GSE1: variants seen among roughly 807,000 people sequenced by gnomAD.
GSE1 encodes genetic suppressor element 1.
GSE1 carries 32 observed loss-of-function variants against 112.6 expected under a neutral mutation model. The ratio of observed to expected loss-of-function variants is 0.28; its 90% CI spans 0.21 to 0.38. The LOEUF is 0.38. GSE1 is among the 10% of genes least tolerant of loss of function. The pLI, the probability that GSE1 is intolerant of heterozygous loss-of-function variation, is 1.00. For synonymous variants in GSE1, 1,115 were observed against 735.6 expected, an observed-to-expected ratio of 1.52 and a Z score of -8.35; for missense variants, 2,348 against 1,699.2, an observed-to-expected ratio of 1.38 and a Z score of -6.71.
At chr16:85,505,023 G>A (rs1385062619) in intron 2 of GSE1, among the ~76,000 whole-genome samples, 2 of 151,928 alleles carry the variant, frequency 1.3e-5, no homozygotes, top group Non-Finnish European at 2.9e-5. Context: ...ACATGTGCAC[G>A]CACACACAGC....
intron 1 of GSE1, among the ~76,000 whole-genome samples, chr16:85,617,088 A>G (rs2048417820): frequency 6.6e-6 from 1 of 152,174 alleles, no homozygotes; most frequent in South Asian, 2.1e-4. Context: ...TCCCTGTCCT[A>G]GCATGGGCCA....
At chr16:85,661,041 G>T in intron 8 of GSE1, 105 bp from the exon 9 acceptor site, 3 of 1,079,290 alleles carry the variant, frequency 2.8e-6, no homozygotes, top group Non-Finnish European at 4.0e-6. Flanking sequence ...CTCTCTAAGG[G>T]GCTGCGCCAT....
At chr16:85,301,924 G>T (rs1597336979) in intron 1 of GSE1, among the ~76,000 whole-genome samples, 1 of 152,230 alleles carries the variant, frequency 6.6e-6, no homozygotes, top group Non-Finnish European at 1.5e-5. Flanking sequence ...GGAAATCAGG[G>T]TGCAGACCAG....
chr16:85,374,231 G>A (rs959253976), intron 2 of GSE1, among the ~76,000 whole-genome samples: 1 of 151,464 alleles, frequency 6.6e-6, no homozygotes, highest in Non-Finnish European at 1.5e-5. Context: ...GTGTGTCATT[G>A]TGCCTGTGCA....
intron 1 of GSE1, among the ~76,000 whole-genome samples, chr16:85,196,602 ATTGT>A (rs2074932583): frequency 1.3e-5 from 2 of 151,802 alleles, no homozygotes; most frequent in African/African-American, 4.8e-5. Flanking sequence ...TTTGGTAAGC[ATTGT>A]TTCTCGATGG....
intron 1 of GSE1, among the ~76,000 whole-genome samples, chr16:85,620,777 T>C (rs1002515664): frequency 6.6e-6 from 1 of 152,130 alleles, no homozygotes; most frequent in African/African-American, 2.4e-5. Flanking sequence ...CTCTGCTCTG[T>C]TGAGGAACCC....
At chr16:85,426,717 G>GATGA (rs2049002212) in intron 2 of GSE1, among the ~76,000 whole-genome samples, 1 of 152,038 alleles carries the variant, frequency 6.6e-6, no homozygotes, top group East Asian at 1.9e-4. Context: ...TGGATGGATG[G>GATGA]ATGGATGGAT....
chr16:85,627,373 G>T (rs567922410), intron 1 of GSE1, among the ~76,000 whole-genome samples: 52 of 152,102 alleles, frequency 3.4e-4, no homozygotes, highest in African/African-American at 1.1e-3. Flanking sequence ...TTTCTGAAAG[G>T]GTCCAGGGAG....
chr16:85,615,037 G>C (rs1001863387), intron 1 of GSE1, among the ~76,000 whole-genome samples: 1 of 152,236 alleles, frequency 6.6e-6, no homozygotes, highest in African/African-American at 2.4e-5. Context: ...CCGTGCTCCC[G>C]CCTCCCGGCA....
At chr16:85,655,078 C>T (rs1408231487) in intron 5 of GSE1, 87 bp downstream of exon 5, 24 of 876,900 alleles carry the variant, frequency 2.7e-5, no homozygotes, top group South Asian at 4.3e-5. Flanking sequence ...TTTCTTATGA[C>T]CTGAGAGCCA....
At chr16:85,504,296 G>A (rs2051465379) in intron 2 of GSE1, among the ~76,000 whole-genome samples, 1 of 152,246 alleles carries the variant, frequency 6.6e-6, no homozygotes, top group African/African-American at 2.4e-5. Context: ...TTGTGAGCAG[G>A]TGGGTTTGGA....
chr16:85,464,619 G>A (rs528479848), intron 2 of GSE1, among the ~76,000 whole-genome samples: 1 of 152,296 alleles, frequency 6.6e-6, no homozygotes, highest in East Asian at 1.9e-4. Flanking sequence ...GGGTACTCAC[G>A]AAGCCTCGGG....
At chr16:85,338,998 G>C (rs984391230) in intron 1 of GSE1, among the ~76,000 whole-genome samples, 6 of 152,154 alleles carry the variant, frequency 3.9e-5, no homozygotes, top group African/African-American at 1.4e-4. Context: ...GTTGGGGCGG[G>C]TGTTTGGGTG....
chr16:85,191,813 C>G (rs1424458681), intron 1 of GSE1, among the ~76,000 whole-genome samples: 1 of 152,108 alleles, frequency 6.6e-6, no homozygotes, highest in South Asian at 2.1e-4. Context: ...GTGATACTTG[C>G]AAGGCTTCTG....
chr16:85,421,537 T>C (rs2048845275), intron 2 of GSE1, among the ~76,000 whole-genome samples: 1 of 152,182 alleles, frequency 6.6e-6, no homozygotes, highest in South Asian at 2.1e-4. Flanking sequence ...CATGACTTGT[T>C]AATTCAACAA....
chr16:85,553,059 TC>T (rs985328137), upstream of GSE1, among the ~76,000 whole-genome samples: 2 of 151,876 alleles, frequency 1.3e-5, no homozygotes. Flanking sequence ...CTTTTTTTTT[TC>T]CCCCAAGTAA....
intron 2 of GSE1, among the ~76,000 whole-genome samples, chr16:85,525,531 T>TG (rs1311010783): frequency 3.3e-5 from 5 of 152,142 alleles, no homozygotes; most frequent in Non-Finnish European, 7.4e-5. Context: ...GGCTTTCCTG[T>TG]GGGGGTGAAT....
chr16:85,203,394 C>T (rs2075063287), intron 1 of GSE1, among the ~76,000 whole-genome samples: 2 of 152,190 alleles, frequency 1.3e-5, no homozygotes, highest in African/African-American at 2.4e-5. Flanking sequence ...ACCCTGGCAA[C>T]AGTGGTGAGC....
chr16:85,476,719 C>T (rs1008990800), intron 2 of GSE1, among the ~76,000 whole-genome samples: 2 of 151,976 alleles, frequency 1.3e-5, no homozygotes, highest in Non-Finnish European at 2.9e-5. Flanking sequence ...GTCGATCTTC[C>T]CACCGCAGCC....
Sources: gnomAD v4.1 joint callset for allele counts (sites outside exome capture counted in the v4.1 genomes callset) on GRCh38, gnomAD v4.1.1 for gene constraint, MANE v1.5 for transcripts, NCBI Gene and HGNC (gene_info 2026-07-23, HGNC 2026-07-21) for gene names.